Variants in CA10 observed in about 807,000 individuals in gnomAD.
The protein encoded by CA10 is carbonic anhydrase 10 (inactive).
In CA10, 14 loss-of-function variants were observed where a neutral mutation model predicts 44.2. The observed-to-expected ratio is 0.32, with a 90% CI of 0.21 to 0.50. The LOEUF (loss-of-function observed/expected upper bound fraction) is 0.50, where lower values mean the gene tolerates loss of function less well. CA10 is among the 20% of genes least tolerant of loss of function. The pLI is 0.99. For synonymous variants in CA10, 159 were observed against 141.6 expected, an observed-to-expected ratio of 1.12 and a Z score of -0.87; for missense variants, 350 against 409.7, an observed-to-expected ratio of 0.85 and a Z score of 1.26.
chr17:51,717,270 T>G (rs1334685075), intron 4 of CA10, among the ~76,000 whole-genome samples: 1 of 151,986 alleles, frequency 6.6e-6, no homozygotes, highest in African/African-American at 2.4e-5. Flanking sequence ...TGGAATTTCC[T>G]GGGTGATAGG....
At chr17:51,734,073 C>A (rs1020944019) in intron 4 of CA10, among the ~76,000 whole-genome samples, 2 of 151,018 alleles carry the variant, frequency 1.3e-5, no homozygotes, top group African/African-American at 2.4e-5. Flanking sequence ...TCCAAGTGAG[C>A]AGAACAATCT....
intron 1 of CA10, among the ~76,000 whole-genome samples, chr17:52,153,888 G>A (rs1205408030): frequency 4.6e-5 from 7 of 152,150 alleles, no homozygotes; most frequent in Admixed American, 4.6e-4. Context: ...CATGTGACAC[G>A]TGTACTGTTA....
chr17:51,966,660 G>T (rs1350016601), intron 2 of CA10, among the ~76,000 whole-genome samples: 1 of 151,776 alleles, frequency 6.6e-6, no homozygotes, highest in Non-Finnish European at 1.5e-5. Flanking sequence ...GTATGCAGAA[G>T]AATGAAGCTG....
intron 6 of CA10, among the ~76,000 whole-genome samples, chr17:51,636,565 T>G (rs911229615): frequency 6.6e-6 from 1 of 152,194 alleles, no homozygotes; most frequent in Non-Finnish European, 1.5e-5. Flanking sequence ...AGGGATTGTT[T>G]GAGGAGTCCT....
intron 3 of CA10, among the ~76,000 whole-genome samples, chr17:51,776,668 A>G (rs1905831710): frequency 6.6e-6 from 1 of 152,228 alleles, no homozygotes; most frequent in Non-Finnish European, 1.5e-5. Flanking sequence ...CTTAGGTCAT[A>G]CTAACAAATT....
At chr17:51,642,607 G>C (rs1197313758) in intron 6 of CA10, among the ~76,000 whole-genome samples, 1 of 152,154 alleles carries the variant, frequency 6.6e-6, no homozygotes. Context: ...TATTTCCTTA[G>C]AGGAAATACA....
At chr17:51,639,191 G>T (rs1247787593) in intron 6 of CA10, among the ~76,000 whole-genome samples, 1 of 152,124 alleles carries the variant, frequency 6.6e-6, no homozygotes, top group Non-Finnish European at 1.5e-5. Flanking sequence ...AGAGAAGGAA[G>T]CATTCAGCAC....
chr17:51,873,012 T>C (rs891373066), intron 3 of CA10, among the ~76,000 whole-genome samples: 2 of 152,184 alleles, frequency 1.3e-5, no homozygotes, highest in Non-Finnish European at 2.9e-5. Context: ...AAACACCCAC[T>C]GTCAAGAGTT....
At chr17:52,083,907 C>CT (rs35297621) in intron 1 of CA10, among the ~76,000 whole-genome samples, 76,850 of 151,932 alleles carry the variant, frequency 0.51, 20,083 homozygotes, top group African/African-American at 0.6. Flanking sequence ...GTAATTATTT[C>CT]TTTTTTAGAG....
chr17:52,015,349 T>G (rs146745571), intron 2 of CA10, among the ~76,000 whole-genome samples: 2 of 152,134 alleles, frequency 1.3e-5, no homozygotes, highest in Non-Finnish European at 1.5e-5. Flanking sequence ...TCCTCTTCAA[T>G]TGCCTTTTAG....
At chr17:51,938,347 G>A (rs200485672) in intron 2 of CA10, among the ~76,000 whole-genome samples, 5 of 152,084 alleles carry the variant, frequency 3.3e-5, no homozygotes, top group Admixed American at 6.6e-5. Context: ...AGAAACAGTC[G>A]AGGGTGAAGG....
chr17:52,137,565 C>A (rs1373262074), intron 1 of CA10, among the ~76,000 whole-genome samples: 1 of 152,120 alleles, frequency 6.6e-6, no homozygotes, highest in Admixed American at 6.5e-5. Flanking sequence ...TATCTATGAA[C>A]TTCTTGACTG....
chr17:51,839,415 C>T (rs975935216), intron 3 of CA10, among the ~76,000 whole-genome samples: 1 of 141,572 alleles, frequency 7.1e-6, no homozygotes, highest in African/African-American at 2.7e-5. Flanking sequence ...ATGGCATGAA[C>T]CTGGGAGGCG....
At chr17:51,722,583 T>A (rs758233637) in intron 4 of CA10, among the ~76,000 whole-genome samples, 3 of 152,264 alleles carry the variant, frequency 2.0e-5, no homozygotes, top group Non-Finnish European at 2.9e-5. Flanking sequence ...CAGGGCCCCC[T>A]GTCCCCTTGC....
chr17:52,092,614 C>G (rs1988297216), intron 1 of CA10, among the ~76,000 whole-genome samples: 1 of 152,156 alleles, frequency 6.6e-6, no homozygotes, highest in Admixed American at 6.5e-5. Flanking sequence ...GGTATAAAGG[C>G]AGCAGAGCAA....
chr17:51,707,444 G>T (rs1419752897), intron 4 of CA10, among the ~76,000 whole-genome samples: 2 of 152,260 alleles, frequency 1.3e-5, no homozygotes, highest in Admixed American at 1.3e-4. Flanking sequence ...CTCACCTCCT[G>T]AAGGTGAATT....
At chr17:51,801,679 G>T (rs542664313) in intron 3 of CA10, among the ~76,000 whole-genome samples, 2 of 152,138 alleles carry the variant, frequency 1.3e-5, no homozygotes, top group African/African-American at 2.4e-5. Context: ...GTTCTCTTCC[G>T]CTGGCATTTT....
At chr17:51,875,395 C>T (rs1426062276) in intron 3 of CA10, among the ~76,000 whole-genome samples, 1 of 152,190 alleles carries the variant, frequency 6.6e-6, no homozygotes, top group Non-Finnish European at 1.5e-5. Flanking sequence ...TACCAAGTCA[C>T]CGTGATACAC....
chr17:52,084,499 A>G (rs1316684557), intron 1 of CA10, among the ~76,000 whole-genome samples: 1 of 152,136 alleles, frequency 6.6e-6, no homozygotes, highest in Non-Finnish European at 1.5e-5. Flanking sequence ...ACCAAGACCA[A>G]ACTAAAATTT....
Sources: gnomAD v4.1 joint callset for allele counts (sites outside exome capture counted in the v4.1 genomes callset) on GRCh38, gnomAD v4.1.1 for gene constraint, MANE v1.5 for transcripts, NCBI Gene and HGNC (gene_info 2026-07-23, HGNC 2026-07-21) for gene names.